Variants in CDKL3 observed in about 807,000 individuals in gnomAD.
CDKL3 encodes cyclin dependent kinase like 3.
CDKL3 carries 65 observed loss-of-function variants against 69.3 expected under a neutral mutation model. The observed-to-expected ratio is 0.94, with a 90% confidence interval of 0.77 to 1.15. The LOEUF (loss-of-function observed/expected upper bound fraction) is 1.15. Ranked by LOEUF, CDKL3 falls within the 50% of genes most tolerant of loss-of-function variation. The pLI is 0.00. For missense variants in CDKL3, 652 were observed against 689.2 expected, an observed-to-expected ratio of 0.95 and a Z score of 0.61; for synonymous variants, 202 against 221.6, an observed-to-expected ratio of 0.91 and a Z score of 0.79.
At chr5:134,310,366 A>G (rs1769100782) in intron 7 of CDKL3, among the ~76,000 whole-genome samples, 1 of 151,128 alleles carries the variant, frequency 6.6e-6, no homozygotes, top group Non-Finnish European at 1.5e-5. Flanking sequence ...TGTTTTTTGT[A>G]TTTTTAGTAG....
chr5:134,354,584 T>C (rs1279201063), intron 3 of CDKL3, among the ~76,000 whole-genome samples: 2 of 152,172 alleles, frequency 1.3e-5, no homozygotes, highest in Non-Finnish European at 1.5e-5. Flanking sequence ...GGGCCTACTA[T>C]ATGCCAGGCA....
chr5:134,351,876 A>G (rs947457221), intron 3 of CDKL3, among the ~76,000 whole-genome samples: 1 of 152,212 alleles, frequency 6.6e-6, no homozygotes, highest in Non-Finnish European at 1.5e-5. Flanking sequence ...GCTAATTAAC[A>G]TTACATCACA....
chr5:134,345,908 G>A (rs146262448), intron 4 of CDKL3, among the ~76,000 whole-genome samples: 33 of 152,226 alleles, frequency 2.2e-4, no homozygotes, highest in Admixed American at 1.4e-3. Flanking sequence ...TTGTGTCCAG[G>A]CTTAGACTAT....
intron 3 of CDKL3, among the ~76,000 whole-genome samples, chr5:134,353,644 C>T (rs549174434): frequency 7.2e-5 from 11 of 151,754 alleles, no homozygotes; most frequent in Non-Finnish European, 1.5e-4. Context: ...CTCTGGCTCC[C>T]GGGTTCAAGC....
intron 8 of CDKL3, among the ~76,000 whole-genome samples, chr5:134,288,653 C>T (rs1764985139): frequency 6.6e-6 from 1 of 152,158 alleles, no homozygotes. Context: ...AACTTAAAGA[C>T]CATAATTCTT....
At chr5:134,366,003 T>C (rs1363104796) in intron 2 of CDKL3, among the ~76,000 whole-genome samples, 2 of 152,230 alleles carry the variant, frequency 1.3e-5, no homozygotes, top group East Asian at 3.8e-4. Context: ...ATGATTTTCA[T>C]ATACTCTCCT....
Position 134,308,641 on chromosome 5 carries a change from T to C in CDKL3, c.968A>G (p.Glu323Gly), listed in dbSNP as rs1768552407. 3 of 1,609,660 alleles carry C rather than the reference T, an allele frequency of 1.9e-6. No homozygotes were observed. Among genetic ancestry groups the C allele is most frequent in the Non-Finnish European group, 2.5e-6 (3 of 1,178,874 alleles). Reference protein sequence around the residue: ...IKPKESSKENELRKDERKTVY... With the variant: ...IKPKESSKENGLRKDERKTVY... ...TGTTTTTCTTTCATCTTTCCTGAGT[T>C]CATTTTCTTTAGAACTCTCTTTTGG... The change falls in exon 8 of 13, where the codon GAA becomes GGA. Residue 323 changes from glutamate to glycine, a missense_variant. Transcript: ENST00000265334.
At chr5:134,343,421 G>A (rs1751026266) in intron 4 of CDKL3, among the ~76,000 whole-genome samples, 1 of 152,132 alleles carries the variant, frequency 6.6e-6, no homozygotes, top group Non-Finnish European at 1.5e-5. Context: ...CTAACTTCAG[G>A]AGAAACTTCG....
chr5:134,320,370 C>T (rs545762205), intron 5 of CDKL3, among the ~76,000 whole-genome samples: 2 of 152,220 alleles, frequency 1.3e-5, no homozygotes, highest in East Asian at 3.9e-4. Flanking sequence ...AATCCCAGCA[C>T]TTTGGGAGGC....
chr5:134,287,375 G>A lies in CDKL3; in HGVS notation c.*678-816C>T, dbSNP rs114749885. On this transcript the variant is annotated intron_variant and NMD_transcript_variant, in intron 8 of 8. Transcript: ENST00000519312. ...TTCAAGGGGTGTTAAACACAAGAGA[G>A]TGTTCCCTATCCTTGTGACTCTATT... 3.0e-3 allele frequency among the ~76,000 whole-genome samples: 459 copies of A among 152,292 alleles called. 1 individual carries two copies. The highest frequency in any genetic ancestry group is 9.9e-3 in the African/African-American group (413 of 41,558).
At chr5:134,363,192 T>C (rs1466355833) in intron 2 of CDKL3, among the ~76,000 whole-genome samples, 1 of 152,230 alleles carries the variant, frequency 6.6e-6, no homozygotes, top group African/African-American at 2.4e-5. Context: ...TTGCCTTATC[T>C]ATAGTATTAT....
chr5:134,362,655 G>A (rs959124406), intron 2 of CDKL3, among the ~76,000 whole-genome samples: 8 of 152,156 alleles, frequency 5.3e-5, no homozygotes, highest in African/African-American at 1.2e-4. Flanking sequence ...AGTGCCAGGT[G>A]CAGTGGCTCA....
chr5:134,337,187 G>T (rs1406546391), intron 4 of CDKL3, among the ~76,000 whole-genome samples: 2 of 152,226 alleles, frequency 1.3e-5, no homozygotes, highest in African/African-American at 2.4e-5. Flanking sequence ...TGGTCTGACA[G>T]TTGCAAAGAC....
At chr5:134,326,301 T>C (rs148156297) in intron 4 of CDKL3, among the ~76,000 whole-genome samples, 115 of 152,256 alleles carry the variant, frequency 7.6e-4, no homozygotes, top group Non-Finnish European at 1.4e-3. Flanking sequence ...CACGTCTAGT[T>C]AATTATCACT....
chr5:134,359,220 C>A (rs1309748582), intron 3 of CDKL3, among the ~76,000 whole-genome samples: 4 of 151,866 alleles, frequency 2.6e-5, no homozygotes, highest in Non-Finnish European at 5.9e-5. Flanking sequence ...ATTGCTTGAA[C>A]CCAGGAGGCA....
At chr5:134,318,093 C>T (rs1476508559) in intron 6 of CDKL3, among the ~76,000 whole-genome samples, 1 of 151,768 alleles carries the variant, frequency 6.6e-6, no homozygotes, top group Admixed American at 6.6e-5. Context: ...GTGGCGCATG[C>T]ATGTAATCCC....
chr5:134,283,410 G>A (rs372579153), downstream of CDKL3, among the ~76,000 whole-genome samples: 6 of 152,162 alleles, frequency 3.9e-5, no homozygotes, highest in African/African-American at 1.4e-4. Context: ...CACAATCATG[G>A]TGGAAGGCAA....
At chr5:134,310,877 C>A (rs140774923) in intron 7 of CDKL3, among the ~76,000 whole-genome samples, 5 of 152,194 alleles carry the variant, frequency 3.3e-5, no homozygotes, top group African/African-American at 4.8e-5. Context: ...GGATTCTCTT[C>A]GCTTTTTTCT....
downstream of CDKL3, among the ~76,000 whole-genome samples, chr5:134,297,890 T>TTGTG (rs528154005): frequency 0.013 from 1,358 of 105,178 alleles, 14 homozygotes; most frequent in Non-Finnish European, 0.017. Context: ...CATGAATAGT[T>TTGTG]TGTGTGTGTG....
Sources: allele counts gnomAD v4.1 joint callset (sites outside exome capture counted in the v4.1 genomes callset), GRCh38; gene constraint gnomAD v4.1.1; transcripts MANE v1.5; gene names NCBI Gene and HGNC (gene_info 2026-07-23, HGNC 2026-07-21).